The following NRG1 variants were observed in gnomAD, a reference collection of about 807,000 sequenced individuals.
The protein encoded by NRG1 is pro-neuregulin-1, membrane-bound isoform.
In NRG1, 18 loss-of-function variants were observed where a neutral mutation model predicts 63.8. That is an observed-to-expected ratio of 0.28 (90% CI 0.19 to 0.42). NRG1 has a LOEUF of 0.42. Among genes scored for constraint, NRG1 ranks in the 10% least tolerant of loss-of-function variants. NRG1 has a pLI of 1.00. For synonymous variants in NRG1, 302 were observed against 301.3 expected (o/e 1.00, Z -0.02); for missense variants, 762 against 814.7 (o/e 0.94, Z 0.79).
At chr8:31,691,733 G>A (rs1037807728) in intron 1 of NRG1, among the ~76,000 whole-genome samples, 5 of 150,748 alleles carry the variant, frequency 3.3e-5, no homozygotes, top group African/African-American at 9.8e-5. Flanking sequence ...TCTTCATGAT[G>A]CTTAATGTGC....
chr8:31,669,341 G>T (rs952185186), intron 1 of NRG1, among the ~76,000 whole-genome samples: 3 of 151,798 alleles, frequency 2.0e-5, no homozygotes, highest in African/African-American at 7.3e-5. Flanking sequence ...AGGTTCAAGC[G>T]ATTCTCCTGC....
chr8:31,813,491 ATTTTC>A (rs1193889989), intron 1 of NRG1, among the ~76,000 whole-genome samples: 24 of 114,964 alleles, frequency 2.1e-4, no homozygotes, highest in Middle Eastern at 5.7e-3. Flanking sequence ...TGCTACAGGA[ATTTTC>A]TTTTCTTTTC....
intron 1 of NRG1, among the ~76,000 whole-genome samples, chr8:32,407,056 T>A (rs896595204): frequency 6.6e-6 from 1 of 152,046 alleles, no homozygotes; most frequent in Non-Finnish European, 1.5e-5. Flanking sequence ...TATGCTCTTA[T>A]ATAAGTAACT....
intron 1 of NRG1, among the ~76,000 whole-genome samples, chr8:32,312,967 A>C (rs1044568368): frequency 6.6e-6 from 1 of 152,212 alleles, no homozygotes; most frequent in African/African-American, 2.4e-5. Context: ...CAGCCTGGCC[A>C]CCATGGTGAA....
chr8:31,969,760 T>G (rs544294011), intron 1 of NRG1, among the ~76,000 whole-genome samples: 1 of 152,300 alleles, frequency 6.6e-6, no homozygotes, highest in Non-Finnish European at 1.5e-5. Context: ...TCAGAAAAAC[T>G]CAATAAGGAA....
chr8:32,619,977 G>T (rs534402962), intron 5 of NRG1, among the ~76,000 whole-genome samples: 11 of 152,214 alleles, frequency 7.2e-5, no homozygotes, highest in African/African-American at 2.4e-4. Context: ...ATAGCATGAA[G>T]CACACAGTCC....
At chr8:31,959,559 A>C (rs1364034681) in intron 1 of NRG1, among the ~76,000 whole-genome samples, 1 of 152,018 alleles carries the variant, frequency 6.6e-6, no homozygotes, top group Non-Finnish European at 1.5e-5. Flanking sequence ...CCCCGTCTTG[A>C]TGGGTCATGA....
chr8:31,988,820 T>G (rs1810526841), intron 1 of NRG1, among the ~76,000 whole-genome samples: 1 of 152,088 alleles, frequency 6.6e-6, no homozygotes, highest in Non-Finnish European at 1.5e-5. Flanking sequence ...GTGCCTTAGA[T>G]CCTATGCTTT....
In NRG1 at chr8:31,640,505, G is replaced by A; in HGVS notation, c.37+1074G>A. On this transcript the variant is annotated intron_variant, in intron 1 of 10. Transcript: ENST00000519301. This position sits in a 1 kb window ranked among gnomAD's most constrained non-coding sequence, Gnocchi z 6.3. Reference sequence around the variant, plus strand: ...CAGGTGTGGGCGGTGAAAGCCGGGGGCTTGAAGAAGGACTCGCTGCTCACC... The same window carrying A: ...CAGGTGTGGGCGGTGAAAGCCGGGGACTTGAAGAAGGACTCGCTGCTCACC... 10 of 1,610,662 alleles carry A rather than the reference G, an allele frequency of 6.2e-6. No individual in the cohort carries two copies. The highest frequency in any genetic ancestry group is 1.1e-5 in the South Asian group (1 of 90,786).
intron 5 of NRG1, among the ~76,000 whole-genome samples, chr8:32,689,202 T>G (rs2128931959): frequency 6.6e-6 from 1 of 152,296 alleles, no homozygotes; most frequent in Admixed American, 6.5e-5. Flanking sequence ...GATCTTTTGC[T>G]TCACAGATTC....
intron 1 of NRG1, among the ~76,000 whole-genome samples, chr8:31,927,860 A>T (rs915319790): frequency 3.3e-5 from 5 of 150,200 alleles, no homozygotes; most frequent in African/African-American, 4.9e-5. Context: ...TTTTTAAAAA[A>T]TTTTATTATT....
chr8:32,225,261 C>T lies in NRG1; in HGVS notation c.38-370567C>T, dbSNP rs552439029. ...AAAGTAGTTACTGCACGGCTAACTG[C>T]AACTCTTCATTTAAATATTTCCCTC... On this transcript the variant is annotated intron_variant, in intron 1 of 10. Coordinates refer to the NRG1 transcript ENST00000519301. 5.3e-4 allele frequency among the ~76,000 whole-genome samples: 80 copies of T among 152,282 alleles called. No individual in the cohort carries two copies. The Middle Eastern group carries it at 0.017, about 32-fold the overall frequency.
intron 1 of NRG1, among the ~76,000 whole-genome samples, chr8:32,355,853 AAAG>A (rs1468418819): frequency 1.3e-5 from 2 of 152,178 alleles, no homozygotes; most frequent in Non-Finnish European, 2.9e-5. Flanking sequence ...AGGGAGTAGA[AAAG>A]AAGTTCAATG....
At chr8:32,668,451 C>T (rs1804793624) in intron 5 of NRG1, among the ~76,000 whole-genome samples, 1 of 151,882 alleles carries the variant, frequency 6.6e-6, no homozygotes, top group Non-Finnish European at 1.5e-5. Flanking sequence ...TTGTGGTGGC[C>T]CTCTTGGCTG....
At chr8:32,247,661 C>A (rs765342638) in intron 1 of NRG1, among the ~76,000 whole-genome samples, 4 of 152,018 alleles carry the variant, frequency 2.6e-5, no homozygotes, top group African/African-American at 4.8e-5. Context: ...TACTTTGCTA[C>A]CTTAACTAAG....
rs563297596 is a variant in NRG1, at chr8:31,802,506, G to A, written c.37+163075G>A. Among the ~76,000 whole-genome samples, 65 of 152,176 alleles carry A rather than the reference G, an allele frequency of 4.3e-4. 1 individual carries two copies. Among genetic ancestry groups the A allele is most frequent in the African/African-American group, 1.3e-3 (56 of 41,526 alleles). On this transcript the variant is annotated intron_variant, in intron 1 of 10. Coordinates refer to the NRG1 transcript ENST00000519301. ...TTATAGTAGAGACTCCCAAAAAAAG[G>A]CACAGAAAAATGGTTGATATCTAGT...
chr8:32,252,354 C>A (rs2129470691), intron 1 of NRG1, among the ~76,000 whole-genome samples: 1 of 152,240 alleles, frequency 6.6e-6, no homozygotes, highest in Non-Finnish European at 1.5e-5. Flanking sequence ...TTTAATCCAT[C>A]TTGAGTTAAT....
At chr8:32,160,811 A>C (rs1838740834) in intron 1 of NRG1, among the ~76,000 whole-genome samples, 1 of 152,216 alleles carries the variant, frequency 6.6e-6, no homozygotes, top group Non-Finnish European at 1.5e-5. Context: ...CCTGATTTTT[A>C]TAGAAGCCCT....
At chr8:32,604,760 G>T (rs373857378) in intron 2 of NRG1, among the ~76,000 whole-genome samples, 2 of 152,184 alleles carry the variant, frequency 1.3e-5, no homozygotes, top group East Asian at 1.9e-4. Flanking sequence ...AAAGAATTCA[G>T]TAAACTCTGA....
Sources: allele counts gnomAD v4.1 joint callset (sites outside exome capture counted in the v4.1 genomes callset), GRCh38; gene constraint gnomAD v4.1.1; non-coding constraint Gnocchi (gnomAD v3.1); transcripts MANE v1.5; gene names NCBI Gene and HGNC (gene_info 2026-07-23, HGNC 2026-07-21).